Variants in SLC5A12 observed in about 807,000 individuals in gnomAD.
SLC5A12 encodes the protein solute carrier family 5 member 12.
In SLC5A12, 46 loss-of-function variants were observed where a neutral mutation model predicts 72.7. The observed-to-expected ratio is 0.63, with a 90% confidence interval of 0.50 to 0.81. SLC5A12 has a LOEUF of 0.81. Ranked by LOEUF, SLC5A12 falls within the 30% of genes least tolerant of loss-of-function variation. The pLI, the probability that SLC5A12 is intolerant of heterozygous loss-of-function variation, is 0.00. For missense variants in SLC5A12, 683 were observed against 740.7 expected (o/e 0.92, Z 0.90); for synonymous variants, 275 against 264.4 (o/e 1.04, Z -0.39).
chr11:26,687,131 T>A (rs1355860851), intron 9 of SLC5A12, among the ~76,000 whole-genome samples: 1 of 152,194 alleles, frequency 6.6e-6, no homozygotes, highest in East Asian at 1.9e-4. Context: ...ACCTTCAGAG[T>A]ATGGTGCTCT....
In SLC5A12 at chr11:26,667,051, G is replaced by A. The variant is rs1164362931; in HGVS notation, c.*4051C>T. 1 of 151,742 alleles carries A rather than the reference G, an allele frequency of 6.6e-6. No individual in the cohort carries two copies. Among genetic ancestry groups the A allele is most frequent in the Non-Finnish European group, 1.5e-5 (1 of 67,796 alleles). 9.4% of individuals were successfully genotyped at this position (151,742 alleles called of 1,614,324 possible). A position where few individuals can be genotyped will look rare whatever the true frequency, so the allele number is the denominator to read the frequency against. On this transcript the variant is annotated 3_prime_UTR_variant, in exon 15 of 15. Transcript: ENST00000396005. ...ATCAATGACGAGTTACATTTTATTA[G>A]TTTATAAATTTGTATCATTTTCATG...
At chr11:26,708,234 C>T (rs559850372) in intron 4 of SLC5A12, among the ~76,000 whole-genome samples, 1 of 152,064 alleles carries the variant, frequency 6.6e-6, no homozygotes, top group Admixed American at 6.6e-5. Flanking sequence ...ATTGTTATAT[C>T]CAGCATCTAG....
chr11:26,671,287 T>C (rs1266258761), intron 14 of SLC5A12, 36 bp from the exon 15 acceptor site: 1 of 1,541,440 alleles, frequency 6.5e-7, no homozygotes. Flanking sequence ...TAGCAAGATA[T>C]CCTTGATGTA....
In SLC5A12 at chr11:26,700,465, G is replaced by A. The variant is rs147194651; in HGVS notation, c.822-1930C>T. Reference sequence around the variant, plus strand: ...GAAGCAATGCAGAAGACAACCTCATGGAGATTACATTTTGGGATTAGAAGC... The same window carrying A: ...GAAGCAATGCAGAAGACAACCTCATAGAGATTACATTTTGGGATTAGAAGC... On this transcript the variant is annotated intron_variant, in intron 6 of 14. Coordinates refer to ENST00000396005, the MANE Select transcript of SLC5A12 (RefSeq NM_178498.4). 8.4e-3 allele frequency among the ~76,000 whole-genome samples: 1,266 copies of A among 151,528 alleles called. 25 individuals carry two copies. The highest frequency in any genetic ancestry group is 0.029 in the African/African-American group (1,206 of 41,170).
At chr11:26,707,510 T>C (rs560476186) in intron 4 of SLC5A12, among the ~76,000 whole-genome samples, 1 of 152,090 alleles carries the variant, frequency 6.6e-6, no homozygotes, top group South Asian at 2.1e-4. Context: ...TTTCATCTTC[T>C]TGTCTCTCTG....
chr11:26,712,717 C>A lies in SLC5A12; in HGVS notation c.340-11G>T. On this transcript the variant is annotated splice_polypyrimidine_tract_variant and intron_variant, in intron 1 of 14. Coordinates refer to ENST00000396005, the MANE Select transcript of SLC5A12 (RefSeq NM_178498.4). The stretch of plus-strand genomic sequence containing the variant: ...TCGTAGTTGTAAGTACTAAAGGAAA[C>A]AGAAAGACATGCAGAGTCAGTGAGG... 1 of 1,573,524 alleles carries A rather than the reference C, an allele frequency of 6.4e-7. No homozygotes were observed.
rs1554988602 is a variant in SLC5A12, at chr11:26,669,187, T to TTTTCTTTTCTTTCTTTCTTTC, written c.*1914_*1915insGAAAGAAAGAAAGAAAAGAAA. ...TGTCTTTTTCTTTCTTTCTTTCTTC[T>TTTTCTTTTCTTTCTTTCTTTC]TTTCTTTCTTTCTTTCTTTCTTTCT... On this transcript the variant is annotated 3_prime_UTR_variant, in exon 15 of 15. Transcript: ENST00000396005. 3.6e-5 allele frequency: 4 copies of TTTTCTTTTCTTTCTTTCTTTC among 111,004 alleles called. No homozygotes were observed. Among genetic ancestry groups the TTTTCTTTTCTTTCTTTCTTTC allele is most frequent in the African/African-American group, 1.3e-4 (4 of 31,184 alleles). 6.9% of individuals were successfully genotyped at this position (111,004 alleles called of 1,614,324 possible). A position where few individuals can be genotyped will look rare whatever the true frequency, so the allele number is the denominator to read the frequency against.
intron 8 of SLC5A12, among the ~76,000 whole-genome samples, chr11:26,693,839 C>T (rs1439429997): frequency 6.6e-6 from 1 of 151,998 alleles, no homozygotes; most frequent in East Asian, 1.9e-4. Flanking sequence ...AAACTAATTG[C>T]TTGGGGGGTA....
chr11:26,678,504 C>T (rs780725711), intron 13 of SLC5A12, among the ~76,000 whole-genome samples: 1 of 151,752 alleles, frequency 6.6e-6, no homozygotes, highest in Non-Finnish European at 1.5e-5. Context: ...CTCAGCCTCC[C>T]GTGAATATAT....
At chr11:26,686,090 A>G (rs1854526093) in intron 10 of SLC5A12, among the ~76,000 whole-genome samples, 1 of 152,168 alleles carries the variant, frequency 6.6e-6, no homozygotes, top group Non-Finnish European at 1.5e-5. Flanking sequence ...TCTGCCCAGA[A>G]CATAGTAAGT....
Position 26,686,369 on chromosome 11 carries a change from G to A in SLC5A12, c.1221+108C>T, listed in dbSNP as rs77515194. Reference sequence around the variant, plus strand: ...TACATTTATTTTTAATTTGGAGCTGGTATCATTAAATGTCAGCCTTTGGAT... The same window carrying A: ...TACATTTATTTTTAATTTGGAGCTGATATCATTAAATGTCAGCCTTTGGAT... On this transcript the variant is annotated intron_variant, in intron 10 of 14. Coordinates refer to ENST00000396005, the MANE Select transcript of SLC5A12 (RefSeq NM_178498.4). 685 of 855,404 alleles carry A rather than the reference G, an allele frequency of 8.0e-4. 3 individuals carry two copies. In the African/African-American group the frequency reaches 0.01, roughly 13 times the overall value. 53.0% of individuals were successfully genotyped at this position (855,404 alleles called of 1,614,324 possible). A position where few individuals can be genotyped will look rare whatever the true frequency, so the allele number is the denominator to read the frequency against.
chr11:26,701,831 T>A (rs1854965096), intron 6 of SLC5A12, among the ~76,000 whole-genome samples: 1 of 152,150 alleles, frequency 6.6e-6, no homozygotes, highest in African/African-American at 2.4e-5. Context: ...TGTATATACA[T>A]ACACACAAGC....
chr11:26,684,112 T>C (rs1445825952), intron 10 of SLC5A12, among the ~76,000 whole-genome samples: 2 of 152,068 alleles, frequency 1.3e-5, no homozygotes, highest in African/African-American at 4.8e-5. Context: ...TGAAACTCAT[T>C]GAACTTCAGA....
At position 26,721,479 on chromosome 11, in the gene SLC5A12, GC is replaced by G. The variant is rs776521881; in HGVS notation, c.235del (p.Ala79HisfsTer4). On this transcript the variant is annotated frameshift_variant, in exon 1 of 15. Transcript: ENST00000396005. LOFTEE classifies it high-confidence loss of function. ...AGCAATGAAGAAGACTAGGAAGGATGCCCCAAAGCGGTAGACTTCAGAAGGG... is the reference window on the plus strand; with the variant it reads ...AGCAATGAAGAAGACTAGGAAGGATGCCCAAAGCGGTAGACTTCAGAAGGG... ...GTPSEVYRFGASFLVFFIAYL... is the reference protein window; with the variant it reads ...GTPSEVYRFGXSFLVFFIAYL... 4.0e-5 allele frequency: 65 copies of G among 1,613,990 alleles called. No individual in the cohort carries two copies. The highest frequency in any genetic ancestry group is 5.1e-5 in the Non-Finnish European group (60 of 1,180,024).
intron 1 of SLC5A12, among the ~76,000 whole-genome samples, chr11:26,716,062 C>A (rs1355074529): frequency 6.6e-6 from 1 of 151,926 alleles, no homozygotes. Flanking sequence ...GTAACAAAAA[C>A]CAAAAATATG....
intron 13 of SLC5A12, among the ~76,000 whole-genome samples, chr11:26,675,947 C>CTGTG (rs373509563): frequency 6.9e-6 from 1 of 144,256 alleles, no homozygotes; most frequent in Non-Finnish European, 1.5e-5. Flanking sequence ...GTGTATCTAT[C>CTGTG]TGTGTGTGTG....
chr11:26,708,244 G>A (rs1855136284), intron 4 of SLC5A12, among the ~76,000 whole-genome samples: 1 of 152,002 alleles, frequency 6.6e-6, no homozygotes, highest in African/African-American at 2.4e-5. Flanking sequence ...CCAGCATCTA[G>A]CTGATCTTCT....
At chr11:26,699,560 A>G (rs1251315594) in intron 6 of SLC5A12, among the ~76,000 whole-genome samples, 1 of 152,108 alleles carries the variant, frequency 6.6e-6, no homozygotes, top group Non-Finnish European at 1.5e-5. Context: ...TATTTTGCCA[A>G]TGCAATGATT....
intron 6 of SLC5A12, among the ~76,000 whole-genome samples, chr11:26,701,558 A>G (rs940794936): frequency 2.0e-5 from 3 of 152,130 alleles, no homozygotes; most frequent in Non-Finnish European, 2.9e-5. Flanking sequence ...GAATTAAACT[A>G]CTTTACTAAA....
Sources: gnomAD v4.1 joint callset for allele counts (sites outside exome capture counted in the v4.1 genomes callset) on GRCh38, gnomAD v4.1.1 for gene constraint, MANE v1.5 for transcripts, NCBI Gene and HGNC (gene_info 2026-07-23, HGNC 2026-07-21) for gene names.